SHB: variants seen among roughly 807,000 people sequenced by gnomAD.
The protein encoded by SHB is SH2 domain containing adaptor protein B, also known as SH2 domain-containing adapter protein B.
In SHB, 20 loss-of-function variants were observed where a neutral mutation model predicts 52.3. The observed-to-expected ratio is 0.38, with a 90% CI of 0.27 to 0.56. The LOEUF (loss-of-function observed/expected upper bound fraction) is 0.56. SHB is among the 20% of genes least tolerant of loss of function. The pLI is 0.71. For synonymous variants in SHB, 397 were observed against 316.5 expected (o/e 1.25, Z -2.70); for missense variants, 825 against 723.3 (o/e 1.14, Z -1.61).
At chr9:38,036,572 G>A (rs188306253) in intron 1 of SHB, among the ~76,000 whole-genome samples, 17 of 152,286 alleles carry the variant, frequency 1.1e-4, no homozygotes, top group Admixed American at 5.2e-4. Context: ...TGATCTCAAC[G>A]TCTACAGAGC....
intron 2 of SHB, among the ~76,000 whole-genome samples, chr9:37,980,459 TA>T (rs1318823277): frequency 1.3e-5 from 2 of 152,252 alleles, no homozygotes; most frequent in Admixed American, 1.3e-4. Flanking sequence ...ACTCCACTTC[TA>T]ATGCTAGTTC....
intron 1 of SHB, among the ~76,000 whole-genome samples, chr9:38,039,617 TG>T (rs1821543982): frequency 6.6e-6 from 1 of 152,276 alleles, no homozygotes; most frequent in Non-Finnish European, 1.5e-5. Context: ...AAGGTCCCGT[TG>T]TAATCCTACT....
At chr9:38,002,547 A>G (rs1179252828) in intron 2 of SHB, among the ~76,000 whole-genome samples, 1 of 152,218 alleles carries the variant, frequency 6.6e-6, no homozygotes, top group Non-Finnish European at 1.5e-5. Context: ...GCCCTGGGCT[A>G]GGACTTCAGC....
intron 1 of SHB, among the ~76,000 whole-genome samples, chr9:38,026,757 C>T (rs1210698764): frequency 6.6e-6 from 1 of 152,232 alleles, no homozygotes; most frequent in Non-Finnish European, 1.5e-5. Flanking sequence ...CTCACATGTA[C>T]TCGGCGCTTT....
chr9:37,934,901 T>C (rs10973614), intron 5 of SHB, among the ~76,000 whole-genome samples: 25,754 of 152,228 alleles, frequency 0.17, 2,317 homozygotes, highest in East Asian at 0.35. Context: ...ATTATTGCTG[T>C]TTTTTGTTCC....
chr9:38,009,149 C>T (rs1461507007), intron 2 of SHB, among the ~76,000 whole-genome samples: 2 of 152,162 alleles, frequency 1.3e-5, no homozygotes, highest in African/African-American at 4.8e-5. Context: ...TGCCGGTCTC[C>T]GGGAGAGTTC....
chr9:37,942,082 G>A (rs1361716443), intron 5 of SHB, among the ~76,000 whole-genome samples: 1 of 152,170 alleles, frequency 6.6e-6, no homozygotes, highest in African/African-American at 2.4e-5. Flanking sequence ...TCAATGAAGG[G>A]ACAGACAAAA....
At chr9:37,962,728 T>C (rs1017132588) in intron 3 of SHB, among the ~76,000 whole-genome samples, 1 of 151,888 alleles carries the variant, frequency 6.6e-6, no homozygotes, top group African/African-American at 2.4e-5. Flanking sequence ...CCCAGGCTGG[T>C]CTTGAACTCC....
intron 1 of SHB, among the ~76,000 whole-genome samples, chr9:38,058,140 C>G (rs1821844160): frequency 6.6e-6 from 1 of 152,244 alleles, no homozygotes. Flanking sequence ...CTTCCAATCT[C>G]AGCCACTGTA....
At chr9:37,996,791 C>T (rs1820951800) in intron 2 of SHB, among the ~76,000 whole-genome samples, 1 of 152,204 alleles carries the variant, frequency 6.6e-6, no homozygotes. Context: ...CCTTTGGTAC[C>T]CCAATGTAGC....
intron 5 of SHB, among the ~76,000 whole-genome samples, chr9:37,926,436 C>T (rs1313053042): frequency 6.6e-6 from 1 of 152,196 alleles, no homozygotes; most frequent in Non-Finnish European, 1.5e-5. Flanking sequence ...TGTGGCCATG[C>T]TGCCAAGAGC....
chr9:38,033,035 C>T (rs1381800152), intron 1 of SHB, among the ~76,000 whole-genome samples: 1 of 152,170 alleles, frequency 6.6e-6, no homozygotes, highest in African/African-American at 2.4e-5. Flanking sequence ...CTCATCAGAA[C>T]CAGCAAGAAA....
intron 5 of SHB, among the ~76,000 whole-genome samples, chr9:37,931,664 T>C (rs1043060912): frequency 2.0e-5 from 3 of 152,184 alleles, no homozygotes; most frequent in African/African-American, 7.2e-5. Context: ...GGTACAGCCA[T>C]TATGGAAAAG....
chr9:37,946,748 G>A (rs922760260), intron 5 of SHB, among the ~76,000 whole-genome samples: 1 of 152,170 alleles, frequency 6.6e-6, no homozygotes, highest in Non-Finnish European at 1.5e-5. Flanking sequence ...GGCCCCTCCA[G>A]GCCAGGCCCC....
chr9:38,033,954 G>A (rs1204501667), intron 1 of SHB, among the ~76,000 whole-genome samples: 1 of 152,178 alleles, frequency 6.6e-6, no homozygotes. Context: ...CCACACCGAG[G>A]GCACTTAACA....
intron 5 of SHB, among the ~76,000 whole-genome samples, chr9:37,922,855 T>C (rs957740326): frequency 3.2e-4 from 48 of 152,114 alleles, no homozygotes; most frequent in Non-Finnish European, 1.5e-4. Context: ...TAGATGACCC[T>C]GGGGGGTACT....
intron 5 of SHB, among the ~76,000 whole-genome samples, chr9:37,943,299 G>A (rs867017289): frequency 6.6e-6 from 1 of 151,944 alleles, no homozygotes; most frequent in Non-Finnish European, 1.5e-5. Flanking sequence ...TTTCTACTTC[G>A]GGCAGCCCTG....
intron 3 of SHB, among the ~76,000 whole-genome samples, chr9:37,964,583 G>C (rs535120647): frequency 2.3e-4 from 35 of 152,290 alleles, no homozygotes; most frequent in African/African-American, 8.4e-4. Flanking sequence ...ATGCAGATGG[G>C]AAATGGAGGG....
At chr9:38,018,311 G>A (rs1035741859) in intron 1 of SHB, among the ~76,000 whole-genome samples, 5 of 152,136 alleles carry the variant, frequency 3.3e-5, no homozygotes, top group Non-Finnish European at 7.3e-5. Flanking sequence ...TGGAAGGACT[G>A]TGATTCAGCA....
Sources: gnomAD v4.1 joint callset for allele counts (sites outside exome capture counted in the v4.1 genomes callset) on GRCh38, gnomAD v4.1.1 for gene constraint, MANE v1.5 for transcripts, NCBI Gene and HGNC (gene_info 2026-07-23, HGNC 2026-07-21) for gene names.